Variants in SOBP observed in about 807,000 individuals in gnomAD.
SOBP encodes sine oculis-binding protein homolog.
SOBP carries 4 observed loss-of-function variants against 53.6 expected under a neutral mutation model. That is an observed-to-expected ratio of 0.07 (90% confidence interval 0.04 to 0.17). SOBP has a LOEUF of 0.17. Among genes scored for constraint, SOBP ranks in the 10% least tolerant of loss-of-function variants. SOBP has a pLI of 1.00. For synonymous variants in SOBP, 584 were observed against 522.6 expected (o/e 1.12, Z -1.60); for missense variants, 1,088 against 1,204.7 (o/e 0.90, Z 1.43).
At chr6:107,591,681 A>G (rs1019835784) in intron 5 of SOBP, among the ~76,000 whole-genome samples, 6 of 152,240 alleles carry the variant, frequency 3.9e-5, no homozygotes, top group Non-Finnish European at 8.8e-5. Flanking sequence ...AGGGGTTTCA[A>G]TAACTGACAC....
chr6:107,500,796 A>T (rs1018506357), intron 1 of SOBP, among the ~76,000 whole-genome samples: 1 of 152,150 alleles, frequency 6.6e-6, no homozygotes, highest in African/African-American at 2.4e-5. Flanking sequence ...AAGTGCTGGG[A>T]TTACAGGTCT....
intron 1 of SOBP, among the ~76,000 whole-genome samples, chr6:107,499,737 T>G (rs1401113903): frequency 1.3e-5 from 2 of 152,238 alleles, no homozygotes; most frequent in African/African-American, 4.8e-5. Context: ...GGAGGCACTC[T>G]TAAGAGACTC....
intron 4 of SOBP, among the ~76,000 whole-genome samples, chr6:107,579,037 A>C (rs1277332415): frequency 6.6e-6 from 1 of 152,238 alleles, no homozygotes; most frequent in Non-Finnish European, 1.5e-5. Flanking sequence ...CTATTAATTA[A>C]GGATTTTGTG....
chr6:107,518,755 T>G lies in SOBP; in HGVS notation c.421+12328T>G, dbSNP rs547628080. Reference sequence around the variant, plus strand: ...TGCACAATTTAGGAAAGGCTGTTTTTTTTTTTTTTTCTCAAAAAGATCCTT... The same window carrying G: ...TGCACAATTTAGGAAAGGCTGTTTTGTTTTTTTTTTCTCAAAAAGATCCTT... On this transcript the variant is annotated intron_variant, in intron 3 of 6. Transcript: ENST00000317357. Among the ~76,000 whole-genome samples, 62 of 117,586 alleles carry G rather than the reference T, an allele frequency of 5.3e-4. No individual in the cohort carries two copies. In the South Asian group the frequency reaches 0.014, roughly 26 times the overall value. 77.1% of individuals were successfully genotyped at this position (117,586 alleles called of 152,430 possible). A position where few individuals can be genotyped will look rare whatever the true frequency, so the allele number is the denominator to read the frequency against.
chr6:107,645,149 GTGTGTGTGTGTGCA>G (rs940284913), intron 6 of SOBP, among the ~76,000 whole-genome samples: 14 of 151,888 alleles, frequency 9.2e-5, no homozygotes, highest in African/African-American at 3.1e-4. Flanking sequence ...TTAGCTCTGG[GTGTGTGTGTGTGCA>G]TGTGTGTGTG....
intron 6 of SOBP, among the ~76,000 whole-genome samples, chr6:107,649,784 C>T (rs993895666): frequency 6.6e-6 from 1 of 152,092 alleles, no homozygotes; most frequent in Non-Finnish European, 1.5e-5. Flanking sequence ...GCTTAAACTT[C>T]CAGGTTCTGG....
intron 4 of SOBP, among the ~76,000 whole-genome samples, chr6:107,570,711 G>A (rs1336901347): frequency 6.6e-6 from 1 of 152,182 alleles, no homozygotes; most frequent in Non-Finnish European, 1.5e-5. Context: ...TTCCACCCAC[G>A]GGCCCTGCAA....
chr6:107,504,355 A>G (rs1269625350), intron 2 of SOBP, among the ~76,000 whole-genome samples: 2 of 152,210 alleles, frequency 1.3e-5, no homozygotes, highest in Non-Finnish European at 2.9e-5. Flanking sequence ...ATTAGAGCCT[A>G]TATTACTCTT....
Position 107,553,232 on chromosome 6 carries a change from A to G in SOBP, c.573+19622A>G, listed in dbSNP as rs190648384. Among the ~76,000 whole-genome samples, 424 of 152,044 alleles carry G rather than the reference A, an allele frequency of 2.8e-3. 6 individuals carry two copies. The highest frequency in any genetic ancestry group is 9.8e-3 in the African/African-American group (406 of 41,550). ...GTCTCCAGGGAATACACATGCACAGAGAATTTCACACATAATTTCATGGGG... is the reference window on the plus strand; with the variant it reads ...GTCTCCAGGGAATACACATGCACAGGGAATTTCACACATAATTTCATGGGG... On this transcript the variant is annotated intron_variant, in intron 4 of 6. Coordinates refer to ENST00000317357, the MANE Select transcript of SOBP (RefSeq NM_018013.4).
At chr6:107,499,587 G>A (rs1782784947) in intron 1 of SOBP, among the ~76,000 whole-genome samples, 2 of 152,282 alleles carry the variant, frequency 1.3e-5, no homozygotes, top group South Asian at 4.1e-4. Flanking sequence ...TGATTTATGG[G>A]AGCAATGATA....
chr6:107,633,996 C>T lies in SOBP; in HGVS notation c.1152C>T (p.Pro384=), dbSNP rs755423017. Residue 384 remains proline (P), a synonymous_variant, in exon 6 of 7, where the codon CCC becomes CCT. Transcript: ENST00000317357. ...PPLGVPPRSP[P]MVMTNRGPVP... ...TTGGCGTCCCGCCTCGGAGCCCTCC[C>T]ATGGTGATGACCAACCGCGGCCCGG... is the stretch of plus-strand genomic sequence containing the variant. 3 of 1,613,874 alleles carry T rather than the reference C, an allele frequency of 1.9e-6. No homozygotes were observed. The Admixed American group carries it at 5.0e-5, about 27-fold the overall frequency.
intron 4 of SOBP, among the ~76,000 whole-genome samples, chr6:107,551,919 G>A (rs1490438607): frequency 6.6e-6 from 1 of 152,138 alleles, no homozygotes; most frequent in Non-Finnish European, 1.5e-5. Flanking sequence ...TACTTGGGAG[G>A]CTGAGGCAGG....
chr6:107,594,273 A>G (rs1368782892), intron 5 of SOBP, among the ~76,000 whole-genome samples: 1 of 152,198 alleles, frequency 6.6e-6, no homozygotes, highest in Non-Finnish European at 1.5e-5. Flanking sequence ...TTGGTAAACA[A>G]CTGGCACTCA....
At chr6:107,559,639 G>A (rs1157735265) in intron 4 of SOBP, among the ~76,000 whole-genome samples, 4 of 152,280 alleles carry the variant, frequency 2.6e-5, no homozygotes, top group South Asian at 2.1e-4. Context: ...TACACAAAAC[G>A]TTTGCAGATT....
rs756217330 is a variant in SOBP at position 107,635,070 on chromosome 6, C to G, written c.2226C>G (p.Pro742=). 2.5e-5 allele frequency: 39 copies of G among 1,557,198 alleles called. No individual in the cohort carries two copies. The highest frequency in any genetic ancestry group is 3.5e-5 in the South Asian group (3 of 85,522). ...AEGAKSAEPP[P]EQPPPPPPPA... ...GCGCTAAGAGCGCGGAGCCGCCTCC[C>G]GAGCAGCCGCCGCCGCCGCCGCCGC... The change falls in exon 6 of 7, where the codon CCC becomes CCG. Residue 742 remains proline (P), a synonymous_variant. Coordinates refer to ENST00000317357, the MANE Select transcript of SOBP (RefSeq NM_018013.4). The surrounding 1 kb of genome is among the most constrained non-coding windows in gnomAD (Gnocchi z 4.5).
chr6:107,593,442 ATCACAGTGAT>A (rs1397803156), intron 5 of SOBP, among the ~76,000 whole-genome samples: 2 of 152,170 alleles, frequency 1.3e-5, no homozygotes, highest in Non-Finnish European at 2.9e-5. Context: ...CACACAGTCC[ATCACAGTGAT>A]TCTTGGAGCC....
chr6:107,572,246 GT>G (rs1378125231), intron 4 of SOBP, among the ~76,000 whole-genome samples: 1 of 150,284 alleles, frequency 6.7e-6, no homozygotes, highest in Non-Finnish European at 1.5e-5. Flanking sequence ...GCAACACTTA[GT>G]TAAAAAGAAA....
At chr6:107,554,834 CTT>C (rs377403009) in intron 4 of SOBP, among the ~76,000 whole-genome samples, 22 of 152,208 alleles carry the variant, frequency 1.4e-4, no homozygotes, top group African/African-American at 5.3e-4. Context: ...CAAGCATTGA[CTT>C]TTCTTTCTAC....
chr6:107,508,276 T>C (rs1453830421), intron 3 of SOBP, among the ~76,000 whole-genome samples: 1 of 152,186 alleles, frequency 6.6e-6, no homozygotes, highest in Non-Finnish European at 1.5e-5. Flanking sequence ...TTGCTTGGCC[T>C]GCTGCATTTT....
Sources: gnomAD v4.1 joint callset for allele counts (sites outside exome capture counted in the v4.1 genomes callset) on GRCh38, gnomAD v4.1.1 for gene constraint, Gnocchi (gnomAD v3.1) non-coding constraint, MANE v1.5 for transcripts, NCBI Gene and HGNC (gene_info 2026-07-23, HGNC 2026-07-21) for gene names.